Variants in UGT1A8 observed in about 807,000 individuals in gnomAD.
UGT1A8 encodes UDP-glucuronosyltransferase 1A8.
A neutral mutation model predicts 45.3 loss-of-function variants in UGT1A8; 39 were observed. The observed-to-expected ratio is 0.86, with a 90% confidence interval of 0.67 to 1.12. The LOEUF is 1.12. Among genes scored for constraint, UGT1A8 ranks in the 50% most tolerant of loss-of-function variants. The pLI is 0.00. For missense variants in UGT1A8, 719 were observed against 664.9 expected, an observed-to-expected ratio of 1.08 and a Z score of -0.90; for synonymous variants, 275 against 249.2, an observed-to-expected ratio of 1.10 and a Z score of -0.97.
chr2:233,637,511 G>A (rs1901814), intron 1 of UGT1A8: 2 of 1,477,854 alleles, frequency 1.4e-6, no homozygotes, highest in Non-Finnish European at 1.8e-6. Context: ...AAATTATTTT[G>A]TGCGAATTCA....
intron 1 of UGT1A8, among the ~76,000 whole-genome samples, chr2:233,698,385 C>T (rs935574429): frequency 2.0e-5 from 3 of 152,082 alleles, no homozygotes; most frequent in East Asian, 1.9e-4. Context: ...TTCACTTTAG[C>T]GTGGTGAATT....
chr2:233,678,365 T>C (rs2074415003), intron 1 of UGT1A8, among the ~76,000 whole-genome samples: 1 of 152,152 alleles, frequency 6.6e-6, no homozygotes, highest in Admixed American at 6.6e-5. Flanking sequence ...ATCCTCATCA[T>C]CTTCCATTGA....
chr2:233,710,160 A>G (rs1395236819), intron 1 of UGT1A8, among the ~76,000 whole-genome samples: 2 of 152,194 alleles, frequency 1.3e-5, no homozygotes, highest in Admixed American at 1.3e-4. Context: ...TCATTTGCTT[A>G]TGCATTTATT....
At chr2:233,728,480 C>T (rs1317741863) in intron 1 of UGT1A8, among the ~76,000 whole-genome samples, 1 of 152,156 alleles carries the variant, frequency 6.6e-6, no homozygotes, top group Non-Finnish European at 1.5e-5. Context: ...ATCTGATCAT[C>T]ACATCTTGAG....
intron 1 of UGT1A8, among the ~76,000 whole-genome samples, chr2:233,651,294 G>T (rs543739402): frequency 6.6e-6 from 1 of 152,080 alleles, no homozygotes; most frequent in Non-Finnish European, 1.5e-5. Flanking sequence ...GGCTCACAGG[G>T]TCACCCAGAG....
intron 1 of UGT1A8, chr2:233,647,998 G>A: frequency 6.2e-7 from 1 of 1,607,710 alleles, no homozygotes; most frequent in Non-Finnish European, 8.5e-7. Context: ...GGGGCATGAG[G>A]TGGTTGTAGT....
At chr2:233,765,711 T>TTAA (rs10664358) in intron 1 of UGT1A8, among the ~76,000 whole-genome samples, 1,596 of 149,282 alleles carry the variant, frequency 0.011, 27 homozygotes, top group African/African-American at 0.036. Context: ...ATAATAATAA[T>TTAA]TAATAATAAT....
chr2:233,686,575 T>C (rs186664969), intron 1 of UGT1A8, among the ~76,000 whole-genome samples: 6 of 152,260 alleles, frequency 3.9e-5, no homozygotes, highest in African/African-American at 1.2e-4. Flanking sequence ...CAGAAGTTAG[T>C]GTGGATTACT....
intron 1 of UGT1A8, among the ~76,000 whole-genome samples, chr2:233,762,044 CATTTTCCTTCATAGCACATCAAATA>C (rs1208875045): frequency 1.3e-5 from 2 of 152,198 alleles, no homozygotes; most frequent in East Asian, 1.9e-4. Context: ...ATTTTCTGTG[CATTTTCCTTCATAGCACATCAAATA>C]TGGCAGCCAT....
At chr2:233,627,284 T>C (rs886655596) in intron 1 of UGT1A8, among the ~76,000 whole-genome samples, 1 of 152,014 alleles carries the variant, frequency 6.6e-6, no homozygotes, top group East Asian at 1.9e-4. Context: ...GGAACTCATT[T>C]GTCTCCTTTT....
At chr2:233,682,601 T>A in intron 1 of UGT1A8, 1 of 1,613,932 alleles carries the variant, frequency 6.2e-7, no homozygotes, top group Non-Finnish European at 8.5e-7. Context: ...ATTTTGCCCC[T>A]ATTTTTTCAA....
intron 1 of UGT1A8, chr2:233,729,429 T>G (rs765476493): frequency 6.2e-7 from 1 of 1,613,872 alleles, no homozygotes; most frequent in Admixed American, 1.7e-5. Context: ...AACTGTACTT[T>G]GAAACAGAAC....
At chr2:233,634,274 A>G (rs2073239581) in intron 1 of UGT1A8, among the ~76,000 whole-genome samples, 1 of 152,220 alleles carries the variant, frequency 6.6e-6, no homozygotes, top group Non-Finnish European at 1.5e-5. Flanking sequence ...GCTGAGAAGA[A>G]TATATATTCT....
chr2:233,679,333 G>GT (rs2074449295), intron 1 of UGT1A8, among the ~76,000 whole-genome samples: 1 of 152,182 alleles, frequency 6.6e-6, no homozygotes, highest in South Asian at 2.1e-4. Context: ...CGTTCTTATT[G>GT]TTGAGTCCTT....
At chr2:233,697,760 A>G (rs1285792706) in intron 1 of UGT1A8, among the ~76,000 whole-genome samples, 1 of 152,082 alleles carries the variant, frequency 6.6e-6, no homozygotes, top group Admixed American at 6.5e-5. Flanking sequence ...ATAGATTTTG[A>G]TACATTGTGT....
intron 1 of UGT1A8, chr2:233,719,830 G>T: frequency 6.5e-7 from 1 of 1,548,976 alleles, no homozygotes; most frequent in Non-Finnish European, 8.7e-7. Context: ...CTGTTGAGGG[G>T]CCTAGTGTAT....
intron 1 of UGT1A8, chr2:233,636,564 G>C: frequency 6.2e-7 from 1 of 1,614,192 alleles, no homozygotes; most frequent in Non-Finnish European, 8.5e-7. Flanking sequence ...CTTTATGTGT[G>C]TGTCTACTGC....
At chr2:233,647,244 G>A (rs2073629262) in intron 1 of UGT1A8, among the ~76,000 whole-genome samples, 1 of 152,156 alleles carries the variant, frequency 6.6e-6, no homozygotes, top group South Asian at 2.1e-4. Flanking sequence ...TTCAAGATGA[G>A]CTTTGGGTGG....
rs570829500 is a variant in UGT1A8, at chr2:233,743,629, T to G, written c.856-23405T>G. 70 of 1,367,302 alleles carry G rather than the reference T, an allele frequency of 5.1e-5. 1 individual carries two copies. The highest frequency in any genetic ancestry group is 2.7e-4 in the East Asian group (6 of 21,984). The allele number at this position is 1,367,302 out of a possible 1,614,324, so 84.7% of individuals were successfully genotyped here. The stretch of plus-strand genomic sequence containing the variant: ...CGAAGAACTCCCTGAAGACGTCGGC[T>G]GGGTCGCGGAAGCTGAAGACGTACT... On this transcript the variant is annotated intron_variant, in intron 1 of 4. Transcript: ENST00000373450.
Sources: gnomAD v4.1 joint callset for allele counts (sites outside exome capture counted in the v4.1 genomes callset) on GRCh38, gnomAD v4.1.1 for gene constraint, MANE v1.5 for transcripts, NCBI Gene and HGNC (gene_info 2026-07-23, HGNC 2026-07-21) for gene names.